The following GPC5 variants were observed in gnomAD, a reference collection of about 807,000 sequenced individuals.
GPC5 encodes the protein glypican 5.
In GPC5, 47 loss-of-function variants were observed where a neutral mutation model predicts 53.9. That is an observed-to-expected ratio of 0.87 (90% CI 0.69 to 1.11). The LOEUF (loss-of-function observed/expected upper bound fraction) is 1.11. GPC5 is among the 50% of genes most tolerant of loss of function. The pLI is 0.00. For missense variants in GPC5, 748 were observed against 713.1 expected, an observed-to-expected ratio of 1.05 and a Z score of -0.56; for synonymous variants, 286 against 263.3, an observed-to-expected ratio of 1.09 and a Z score of -0.84.
At chr13:92,520,430 C>T (rs1318867903) in intron 7 of GPC5, among the ~76,000 whole-genome samples, 1 of 152,130 alleles carries the variant, frequency 6.6e-6, no homozygotes, top group African/African-American at 2.4e-5. Flanking sequence ...AGCTTATACA[C>T]CATGATCAAG....
intron 5 of GPC5, among the ~76,000 whole-genome samples, chr13:91,828,262 A>G (rs1187411099): frequency 6.6e-6 from 1 of 151,948 alleles, no homozygotes; most frequent in East Asian, 1.9e-4. Context: ...ATATTTGTGC[A>G]TTTCACCCTA....
At chr13:92,289,296 C>G (rs2139180941) in intron 7 of GPC5, among the ~76,000 whole-genome samples, 1 of 152,106 alleles carries the variant, frequency 6.6e-6, no homozygotes, top group Admixed American at 6.5e-5. Context: ...CAACCCCCAC[C>G]CCTGCCAACA....
chr13:91,700,285 A>G (rs2035965963), intron 3 of GPC5, among the ~76,000 whole-genome samples: 1 of 152,208 alleles, frequency 6.6e-6, no homozygotes, highest in Non-Finnish European at 1.5e-5. Context: ...ACAAGTTTGA[A>G]TACTTTCTGT....
chr13:92,700,497 A>T (rs1887699130), intron 7 of GPC5, among the ~76,000 whole-genome samples: 1 of 151,996 alleles, frequency 6.6e-6, no homozygotes, highest in African/African-American at 2.4e-5. Flanking sequence ...AGCCTAGCTG[A>T]TTATTTTGCC....
rs139862325 is a variant in GPC5 at position 92,531,544 on chromosome 13, G to T, written c.1562-334738G>T. 8.9e-3 allele frequency among the ~76,000 whole-genome samples: 1,355 copies of T among 152,032 alleles called. 11 individuals carry two copies. Among genetic ancestry groups the T allele is most frequent in the Non-Finnish European group, 0.014 (983 of 67,984 alleles). On this transcript the variant is annotated intron_variant, in intron 7 of 7. Transcript: ENST00000377067. ...ACATATGCATCTTTTTATATATAAA[G>T]ATACATACAGTATGTGTCTGTATAA...
At chr13:92,348,225 T>C (rs1731043048) in intron 7 of GPC5, among the ~76,000 whole-genome samples, 1 of 151,474 alleles carries the variant, frequency 6.6e-6, no homozygotes, top group Non-Finnish European at 1.5e-5. Flanking sequence ...TGTAAGAGCC[T>C]CACCTTGTAT....
chr13:91,950,774 T>C (rs970343108), intron 6 of GPC5, among the ~76,000 whole-genome samples: 1 of 152,324 alleles, frequency 6.6e-6, no homozygotes, highest in African/African-American at 2.4e-5. Flanking sequence ...AAGTAAACTC[T>C]ATGTGTAATA....
chr13:92,123,573 C>G (rs1187304023), intron 6 of GPC5, among the ~76,000 whole-genome samples: 1 of 151,978 alleles, frequency 6.6e-6, no homozygotes, highest in African/African-American at 2.4e-5. Flanking sequence ...TGCCTGATAC[C>G]TTTTTTTGGA....
intron 2 of GPC5, among the ~76,000 whole-genome samples, chr13:91,613,885 C>T (rs1306871837): frequency 1.3e-5 from 2 of 152,014 alleles, no homozygotes; most frequent in Admixed American, 1.3e-4. Flanking sequence ...TCCTGATGAC[C>T]ACTAACATTT....
chr13:92,573,650 C>A (rs1019185360), intron 7 of GPC5, among the ~76,000 whole-genome samples: 1 of 152,014 alleles, frequency 6.6e-6, no homozygotes, highest in Non-Finnish European at 1.5e-5. Flanking sequence ...AGAGGGCTTC[C>A]GCTGGTTCAG....
intron 2 of GPC5, among the ~76,000 whole-genome samples, chr13:91,451,549 C>T (rs566288747): frequency 6.6e-6 from 1 of 151,936 alleles, no homozygotes; most frequent in East Asian, 1.9e-4. Context: ...ACACTGGGCT[C>T]TGTAGTCCAC....
intron 7 of GPC5, among the ~76,000 whole-genome samples, chr13:92,325,376 C>T (rs189945421): frequency 1.7e-4 from 26 of 151,910 alleles, no homozygotes; most frequent in African/African-American, 5.3e-4. Context: ...CCAGTCAAAC[C>T]GAACTTGCTA....
intron 3 of GPC5, among the ~76,000 whole-genome samples, chr13:91,720,668 A>T (rs1307818707): frequency 6.6e-6 from 1 of 152,166 alleles, no homozygotes; most frequent in East Asian, 1.9e-4. Context: ...CATATTGGAC[A>T]GCTCCTCTTG....
At chr13:92,752,730 AG>A (rs1874625309) in intron 7 of GPC5, among the ~76,000 whole-genome samples, 1 of 152,144 alleles carries the variant, frequency 6.6e-6, no homozygotes. Flanking sequence ...GGGGTGACGG[AG>A]GGCACCTGGA....
chr13:92,661,761 T>C (rs1886350980), intron 7 of GPC5, among the ~76,000 whole-genome samples: 1 of 152,220 alleles, frequency 6.6e-6, no homozygotes, highest in African/African-American at 2.4e-5. Context: ...TTGGTATTTA[T>C]TGTCAAGTTG....
rs1010710717 is a variant in GPC5, at chr13:91,841,837, A to G, written c.1281-66100A>G. On this transcript the variant is annotated intron_variant, in intron 5 of 7. Coordinates refer to ENST00000377067, the MANE Select transcript of GPC5 (RefSeq NM_004466.6). Reference sequence around the variant, plus strand: ...ACTATTTCAGTGAGTCTTGGAGCATATGGGCAGTTTGAGGTTCTATTTAAT... The same window carrying G: ...ACTATTTCAGTGAGTCTTGGAGCATGTGGGCAGTTTGAGGTTCTATTTAAT... Among the ~76,000 whole-genome samples, 11 of 152,298 alleles carry G rather than the reference A, an allele frequency of 7.2e-5. No homozygotes were observed. In the East Asian group the frequency reaches 1.9e-3, roughly 27 times the overall value.
rs966796339 is a variant in GPC5, at chr13:92,642,575, C to T, written c.1562-223707C>T. Reference sequence around the variant, plus strand: ...CTCTGTCTACTAAATCGTGTGAGGCCGTTACAAATGGCCGACATTTGTAGG... The same window carrying T: ...CTCTGTCTACTAAATCGTGTGAGGCTGTTACAAATGGCCGACATTTGTAGG... On this transcript the variant is annotated intron_variant, in intron 7 of 7. Transcript: ENST00000377067. Among the ~76,000 whole-genome samples, 8 of 152,142 alleles carry T rather than the reference C, an allele frequency of 5.3e-5. No individual in the cohort carries two copies. The South Asian group carries it at 6.2e-4, about 12-fold the overall frequency.
intron 7 of GPC5, among the ~76,000 whole-genome samples, chr13:92,747,667 C>T (rs944519594): frequency 2.0e-5 from 3 of 152,110 alleles, no homozygotes; most frequent in African/African-American, 7.2e-5. Context: ...TCAGATGCAA[C>T]CTAAGAATTG....
chr13:91,881,624 A>C (rs1403609257), intron 5 of GPC5, among the ~76,000 whole-genome samples: 2 of 152,132 alleles, frequency 1.3e-5, no homozygotes, highest in African/African-American at 4.8e-5. Context: ...AATTTTCAGC[A>C]TTAACTTGGA....
Sources: allele counts gnomAD v4.1 joint callset (sites outside exome capture counted in the v4.1 genomes callset), GRCh38; gene constraint gnomAD v4.1.1; transcripts MANE v1.5; gene names NCBI Gene and HGNC (gene_info 2026-07-23, HGNC 2026-07-21).